Variants in TDRD3 observed in about 807,000 individuals in gnomAD.
TDRD3 encodes tudor domain containing 3.
Under a neutral mutation model 86.7 loss-of-function variants are expected in TDRD3, and 45 were observed. The ratio of observed to expected loss-of-function variants is 0.52; its 90% CI spans 0.41 to 0.67. The LOEUF is 0.67. Among genes scored for constraint, TDRD3 ranks in the 30% least tolerant of loss-of-function variants. The probability of loss-of-function intolerance (pLI) is 0.00; values close to 1 mark genes in which losing one functional copy is unlikely to be tolerated. For missense variants in TDRD3, 814 were observed against 889.0 expected (o/e 0.92, Z 1.07); for synonymous variants, 298 against 301.7 (o/e 0.99, Z 0.13).
chr13:60,431,584 G>A (rs892052339), intron 1 of TDRD3, among the ~76,000 whole-genome samples: 5 of 150,902 alleles, frequency 3.3e-5, no homozygotes, highest in African/African-American at 1.2e-4. Context: ...ATATTGTTTT[G>A]CATCATCAGA....
intron 12 of TDRD3, among the ~76,000 whole-genome samples, chr13:60,565,930 T>C (rs1477065834): frequency 6.6e-6 from 1 of 152,198 alleles, no homozygotes; most frequent in African/African-American, 2.4e-5. Context: ...TATCTGATAC[T>C]TCTAACCATT....
chr13:60,423,140 T>C (rs1954706521), intron 1 of TDRD3, among the ~76,000 whole-genome samples: 1 of 152,150 alleles, frequency 6.6e-6, no homozygotes, highest in African/African-American at 2.4e-5. Context: ...TAGAGCAGCA[T>C]TCAAAGAAAA....
intron 10 of TDRD3, among the ~76,000 whole-genome samples, chr13:60,526,853 G>A (rs1228189743): frequency 1.3e-5 from 2 of 150,320 alleles, no homozygotes; most frequent in Non-Finnish European, 3.0e-5. Flanking sequence ...TTTTTTCTTC[G>A]AGATGGAGTC....
At chr13:60,447,976 A>G (rs1446596020) in intron 3 of TDRD3, among the ~76,000 whole-genome samples, 1 of 152,166 alleles carries the variant, frequency 6.6e-6, no homozygotes, top group African/African-American at 2.4e-5. Context: ...CCTGAGGCTC[A>G]GTACAATGCA....
At chr13:60,561,867 TTG>T (rs1958341165) in intron 12 of TDRD3, among the ~76,000 whole-genome samples, 2 of 105,554 alleles carry the variant, frequency 1.9e-5, no homozygotes, top group Non-Finnish European at 4.4e-5. Context: ...AGGTTTTTTG[TTG>T]TTGTTGTTGT....
At chr13:60,527,303 G>A (rs1266339290) in intron 10 of TDRD3, among the ~76,000 whole-genome samples, 1 of 152,184 alleles carries the variant, frequency 6.6e-6, no homozygotes, top group Non-Finnish European at 1.5e-5. Flanking sequence ...TGGGGATGCT[G>A]GGGGAGGGTC....
intron 8 of TDRD3, among the ~76,000 whole-genome samples, chr13:60,498,161 C>T (rs180978207): frequency 6.6e-5 from 10 of 152,258 alleles, no homozygotes; most frequent in East Asian, 3.9e-4. Context: ...TTTAGACCTA[C>T]TCATTCCAGC....
chr13:60,545,876 G>A (rs2137873625), intron 12 of TDRD3, among the ~76,000 whole-genome samples: 1 of 151,934 alleles, frequency 6.6e-6, no homozygotes, highest in Non-Finnish European at 1.5e-5. Context: ...CTTCCTTTTT[G>A]TTCTTCCTCT....
chr13:60,565,636 T>C (rs1958441498), intron 12 of TDRD3, among the ~76,000 whole-genome samples: 1 of 152,200 alleles, frequency 6.6e-6, no homozygotes, highest in African/African-American at 2.4e-5. Context: ...TTTTAGATGT[T>C]CTCCAGCCAA....
chr13:60,459,165 ACATG>A (rs1273628405), intron 3 of TDRD3, among the ~76,000 whole-genome samples: 1 of 152,214 alleles, frequency 6.6e-6, no homozygotes, highest in Non-Finnish European at 1.5e-5. Flanking sequence ...CAACTTAGGA[ACATG>A]CTTGCTTAGG....
rs1456674911 is a variant in TDRD3, at chr13:60,510,083, G to T, written c.1015+164G>T. Among the ~76,000 whole-genome samples, 4 of 152,130 alleles carry T rather than the reference G, an allele frequency of 2.6e-5. No individual in the cohort carries two copies. The East Asian group carries it at 5.8e-4, about 22-fold the overall frequency. ...AACCATAGAGACATTTGTAGTCTCA[G>T]TCTCATTGTCTTCATCTTTGTACAA... On this transcript the variant is annotated intron_variant, in intron 9 of 13. Transcript: ENST00000377881.
At chr13:60,401,674 T>C (rs1269369215) in intron 1 of TDRD3, among the ~76,000 whole-genome samples, 1 of 152,098 alleles carries the variant, frequency 6.6e-6, no homozygotes, top group Non-Finnish European at 1.5e-5. Flanking sequence ...GTACTCCAGG[T>C]TTTGTTTTGT....
chr13:60,534,520 A>G (rs1957656468), intron 11 of TDRD3, among the ~76,000 whole-genome samples: 1 of 151,976 alleles, frequency 6.6e-6, no homozygotes, highest in Non-Finnish European at 1.5e-5. Context: ...ACTTCATTCT[A>G]GCCACTTGTG....
intron 4 of TDRD3, among the ~76,000 whole-genome samples, chr13:60,463,326 C>T (rs1357735903): frequency 1.4e-5 from 2 of 144,698 alleles, no homozygotes; most frequent in East Asian, 2.1e-4. Context: ...CACACCATTG[C>T]GCTCCAGTCG....
intron 10 of TDRD3, 46 bp downstream of exon 10, chr13:60,510,801 T>TA: frequency 3.4e-6 from 5 of 1,459,054 alleles, no homozygotes; most frequent in Non-Finnish European, 4.5e-6. Flanking sequence ...TTCTTTTCTT[T>TA]CTTTTTTTTT....
intron 1 of TDRD3, among the ~76,000 whole-genome samples, chr13:60,401,072 A>G (rs879786018): frequency 3.1e-4 from 47 of 152,306 alleles, no homozygotes; most frequent in African/African-American, 1.1e-3. Context: ...TCCTATTAGA[A>G]TCAAATAAAT....
intron 8 of TDRD3, among the ~76,000 whole-genome samples, chr13:60,497,092 C>A (rs1196931709): frequency 6.6e-6 from 1 of 152,168 alleles, no homozygotes; most frequent in Non-Finnish European, 1.5e-5. Context: ...GCAGCTGGCA[C>A]CCCACTGGAT....
intron 12 of TDRD3, among the ~76,000 whole-genome samples, chr13:60,546,920 C>T (rs1223095686): frequency 6.6e-6 from 1 of 151,980 alleles, no homozygotes; most frequent in Admixed American, 6.6e-5. Flanking sequence ...CAACATGTCG[C>T]ACTGGCTATC....
Position 60,530,286 on chromosome 13 carries a change from A to G in TDRD3, c.1992+1069A>G, listed in dbSNP as rs987117212. On this transcript the variant is annotated intron_variant, in intron 11 of 13. Coordinates refer to ENST00000377881, the MANE Select transcript of TDRD3 (RefSeq NM_001146070.2). Reference sequence around the variant, plus strand: ...TTCATAATTATTTGTTAACTCTGTTAATTAGTTAATTCTGGAGAGAGCAAT... The same window carrying G: ...TTCATAATTATTTGTTAACTCTGTTGATTAGTTAATTCTGGAGAGAGCAAT... Among the ~76,000 whole-genome samples the G allele has an allele frequency of 2.0e-5, 3 of 152,146 alleles. No homozygotes were observed. In the South Asian group the frequency reaches 6.2e-4, roughly 31 times the overall value.
Sources: gnomAD v4.1 joint callset for allele counts (sites outside exome capture counted in the v4.1 genomes callset) on GRCh38, gnomAD v4.1.1 for gene constraint, MANE v1.5 for transcripts, NCBI Gene and HGNC (gene_info 2026-07-23, HGNC 2026-07-21) for gene names.